FAM135B: variants seen among roughly 807,000 people sequenced by gnomAD.
FAM135B encodes the protein protein FAM135B.
A neutral mutation model predicts 127.7 loss-of-function variants in FAM135B; 43 were observed. The ratio of observed to expected loss-of-function variants is 0.34; its 90% CI spans 0.26 to 0.43. The LOEUF (loss-of-function observed/expected upper bound fraction) is 0.43, where lower values mean the gene tolerates loss of function less well. Among genes scored for constraint, FAM135B ranks in the 20% least tolerant of loss-of-function variants. The pLI, the probability that FAM135B is intolerant of heterozygous loss-of-function variation, is 1.00. For synonymous variants in FAM135B, 670 were observed against 665.1 expected (o/e 1.01, Z -0.11); for missense variants, 1,558 against 1,725.6 (o/e 0.90, Z 1.72).
At chr8:138,175,472 C>T (rs759750466) in intron 11 of FAM135B, among the ~76,000 whole-genome samples, 5 of 152,218 alleles carry the variant, frequency 3.3e-5, no homozygotes, top group Non-Finnish European at 7.3e-5. Flanking sequence ...TTTTTCTTAT[C>T]GCTTTGGCTA....
At chr8:138,475,474 C>T (rs1487668562) in intron 1 of FAM135B, among the ~76,000 whole-genome samples, 2 of 152,134 alleles carry the variant, frequency 1.3e-5, no homozygotes, top group African/African-American at 4.8e-5. Flanking sequence ...AGTTTTTGTC[C>T]TCCATTCTCC....
At chr8:138,187,309 T>G (rs1815670417) in intron 9 of FAM135B, among the ~76,000 whole-genome samples, 1 of 152,212 alleles carries the variant, frequency 6.6e-6, no homozygotes, top group South Asian at 2.1e-4. Flanking sequence ...GCAGAGAACC[T>G]CTAATAATGA....
chr8:138,393,166 T>A (rs977810992), intron 1 of FAM135B, among the ~76,000 whole-genome samples: 1 of 152,132 alleles, frequency 6.6e-6, no homozygotes, highest in Non-Finnish European at 1.5e-5. Context: ...CCTGCCCCCA[T>A]GAATCAATTA....
At chr8:138,317,819 C>T (rs1434419461) in intron 2 of FAM135B, among the ~76,000 whole-genome samples, 1 of 152,194 alleles carries the variant, frequency 6.6e-6, no homozygotes, top group Non-Finnish European at 1.5e-5. Context: ...AACCTACCAT[C>T]AGAAAATCCC....
intron 2 of FAM135B, among the ~76,000 whole-genome samples, chr8:138,352,527 A>T (rs1004488994): frequency 6.6e-6 from 1 of 152,162 alleles, no homozygotes; most frequent in African/African-American, 2.4e-5. Flanking sequence ...TCCTCCTGGG[A>T]GCCAGGCATC....
intron 7 of FAM135B, among the ~76,000 whole-genome samples, chr8:138,203,932 C>T (rs1391256683): frequency 6.6e-6 from 1 of 152,160 alleles, no homozygotes; most frequent in Non-Finnish European, 1.5e-5. Flanking sequence ...CTAGATCCCT[C>T]CCATGTACAG....
In FAM135B at chr8:138,189,145, A is replaced by G. The variant is rs1398679756; in HGVS notation, c.873+6113T>C. 3.3e-5 allele frequency among the ~76,000 whole-genome samples: 5 copies of G among 152,198 alleles called. No individual in the cohort carries two copies. In the South Asian group the frequency reaches 6.2e-4, roughly 19 times the overall value. On this transcript the variant is annotated intron_variant, in intron 9 of 19. Coordinates refer to ENST00000395297, the MANE Select transcript of FAM135B (RefSeq NM_015912.4). ...AGGAGAAGCAGCTGGATGCCTCCCC[A>G]GAGACTATGGTTGCACGCTGGAGAG... is the stretch of plus-strand genomic sequence containing the variant.
chr8:138,466,773 G>A (rs907741463), intron 1 of FAM135B, among the ~76,000 whole-genome samples: 1 of 152,142 alleles, frequency 6.6e-6, no homozygotes, highest in Non-Finnish European at 1.5e-5. Context: ...TTTACTTCAC[G>A]TCTAGTTCAG....
chr8:138,287,894 A>G (rs898291707), intron 3 of FAM135B, among the ~76,000 whole-genome samples: 1 of 152,222 alleles, frequency 6.6e-6, no homozygotes, highest in Non-Finnish European at 1.5e-5. Context: ...TGCAGATAAT[A>G]CATACCAACA....
intron 1 of FAM135B, among the ~76,000 whole-genome samples, chr8:138,433,921 T>C (rs1835332178): frequency 6.6e-6 from 1 of 152,044 alleles, no homozygotes; most frequent in African/African-American, 2.4e-5. Flanking sequence ...AGAAACCAAG[T>C]GGATGAAGAG....
intron 1 of FAM135B, among the ~76,000 whole-genome samples, chr8:138,428,906 C>T (rs75917072): frequency 0.011 from 1,627 of 152,268 alleles, 26 homozygotes; most frequent in African/African-American, 0.037. Flanking sequence ...GCCTCTATTT[C>T]GTTCCACAAA....
intron 2 of FAM135B, among the ~76,000 whole-genome samples, chr8:138,323,201 C>T (rs555754938): frequency 1.4e-4 from 22 of 152,306 alleles, no homozygotes; most frequent in East Asian, 5.8e-4. Context: ...TTTCTCTACC[C>T]GCATTCTCCT....
At chr8:138,331,211 T>A (rs1828150844) in intron 2 of FAM135B, among the ~76,000 whole-genome samples, 1 of 152,200 alleles carries the variant, frequency 6.6e-6, no homozygotes, top group African/African-American at 2.4e-5. Context: ...TACTGACTAA[T>A]GAATGGCTCC....
At chr8:138,409,622 T>G (rs1352511596) in intron 1 of FAM135B, among the ~76,000 whole-genome samples, 2 of 152,052 alleles carry the variant, frequency 1.3e-5, no homozygotes, top group African/African-American at 4.8e-5. Context: ...ATGCCTGTAA[T>G]CCCAGCACTT....
chr8:138,210,698 C>T lies in FAM135B; in HGVS notation c.670-13029G>A, dbSNP rs531275068. On this transcript the variant is annotated intron_variant, in intron 7 of 19. Coordinates refer to ENST00000395297, the MANE Select transcript of FAM135B (RefSeq NM_015912.4). ...TCCAATCACTTCCCACCAGGTCCCT[C>T]CCCCTAACATTGGGAATTATAATTC... Among the ~76,000 whole-genome samples, 10 of 152,234 alleles carry T rather than the reference C, an allele frequency of 6.6e-5. 1 individual carries two copies. Among genetic ancestry groups the T allele is most frequent in the South Asian group, 2.1e-4 (1 of 4,814 alleles).
chr8:138,164,468 G>A (rs1819714732), intron 12 of FAM135B, among the ~76,000 whole-genome samples: 1 of 152,132 alleles, frequency 6.6e-6, no homozygotes, highest in African/African-American at 2.4e-5. Flanking sequence ...ATATCTTGAG[G>A]CCCCCAAAAT....
intron 1 of FAM135B, among the ~76,000 whole-genome samples, chr8:138,471,325 C>CA (rs1332965566): frequency 2.0e-5 from 3 of 151,996 alleles, no homozygotes; most frequent in African/African-American, 7.3e-5. Context: ...TCAAATGCAC[C>CA]ACAGATTTGG....
chr8:138,237,040 C>T (rs1187163266), intron 7 of FAM135B, among the ~76,000 whole-genome samples: 1 of 152,160 alleles, frequency 6.6e-6, no homozygotes, highest in Non-Finnish European at 1.5e-5. Context: ...GCTGCCATTC[C>T]TCCGTCGGAT....
intron 7 of FAM135B, among the ~76,000 whole-genome samples, chr8:138,199,835 C>T (rs542051629): frequency 6.6e-6 from 1 of 152,262 alleles, no homozygotes; most frequent in East Asian, 1.9e-4. Context: ...GAAACTGCCC[C>T]AATGATCCAA....
Sources: gnomAD v4.1 joint callset for allele counts (sites outside exome capture counted in the v4.1 genomes callset) on GRCh38, gnomAD v4.1.1 for gene constraint, MANE v1.5 for transcripts, NCBI Gene and HGNC (gene_info 2026-07-23, HGNC 2026-07-21) for gene names.